The following TCFL5 variants were observed in gnomAD, a reference collection of about 807,000 sequenced individuals.
TCFL5 encodes the protein transcription factor like 5.
TCFL5 carries 9 observed loss-of-function variants against 44.3 expected under a neutral mutation model. That is an observed-to-expected ratio of 0.20 (90% CI 0.12 to 0.35). The LOEUF is 0.35. TCFL5 is among the 10% of genes least tolerant of loss of function. The probability of loss-of-function intolerance (pLI) is 1.00; values close to 1 mark genes in which losing one functional copy is unlikely to be tolerated. For synonymous variants in TCFL5, 319 were observed against 271.6 expected (o/e 1.17, Z -1.72); for missense variants, 603 against 613.4 (o/e 0.98, Z 0.18).
At chr20:62,853,059 T>C (rs1488015423) in intron 5 of TCFL5, among the ~76,000 whole-genome samples, 3 of 144,270 alleles carry the variant, frequency 2.1e-5, no homozygotes, top group East Asian at 2.1e-4. Flanking sequence ...TCCACAGAAG[T>C]ACAGTCACCC....
At chr20:62,859,672 C>A in intron 2 of TCFL5, 146 bp from the exon 3 acceptor site, 1 of 753,032 alleles carries the variant, frequency 1.3e-6, no homozygotes, top group Admixed American at 3.4e-5. Context: ...TAAAAATATT[C>A]GCATACCACA....
intron 5 of TCFL5, among the ~76,000 whole-genome samples, chr20:62,848,519 T>C (rs1296473443): frequency 2.0e-5 from 3 of 152,112 alleles, no homozygotes; most frequent in Admixed American, 6.6e-5. Flanking sequence ...GGCGGGAGGA[T>C]CACCTGAGGT....
At chr20:62,852,978 G>T in intron 5 of TCFL5, 1 of 1,286,020 alleles carries the variant, frequency 7.8e-7, no homozygotes, top group Non-Finnish European at 1.0e-6. Context: ...ATGGTCACCC[G>T]GTCGGCTGAA....
At chr20:62,847,619 C>CA (rs2063760082) in intron 5 of TCFL5, among the ~76,000 whole-genome samples, 1 of 152,234 alleles carries the variant, frequency 6.6e-6, no homozygotes, top group Admixed American at 6.5e-5. Context: ...AAACAGGTCA[C>CA]AACACAGCGT....
chr20:62,842,914 C>G lies in TCFL5; in HGVS notation c.1381-817G>C, dbSNP rs1412575474. Among the ~76,000 whole-genome samples, 1 of 152,172 alleles carries G rather than the reference C, an allele frequency of 6.6e-6. No individual in the cohort carries two copies. The highest frequency in any genetic ancestry group is 1.5e-5 in the Non-Finnish European group (1 of 68,032). ...GTGCTGCTCGCTGAGATGGCTCTGTCCTTGGGGAGACCCTGCCAGCAGGGT... is the reference window on the plus strand; with the variant it reads ...GTGCTGCTCGCTGAGATGGCTCTGTGCTTGGGGAGACCCTGCCAGCAGGGT... On this transcript the variant is annotated intron_variant, in intron 5 of 5. Coordinates refer to ENST00000335351, the MANE Select transcript of TCFL5 (RefSeq NM_006602.4). This position sits in a 1 kb window ranked among gnomAD's most constrained non-coding sequence, Gnocchi z 4.3.
chr20:62,861,661 G>A lies in TCFL5; in HGVS notation c.10C>T (p.Pro4Ser), dbSNP rs1268100186. 1.3e-6 allele frequency: 1 copy of A among 787,504 alleles called. No individual in the cohort carries two copies. The highest frequency in any genetic ancestry group is 1.5e-6 in the Non-Finnish European group (1 of 651,072). 48.8% of individuals were successfully genotyped at this position (787,504 alleles called of 1,614,324 possible). Residue 4 changes from proline (P) to serine (S), a missense_variant, in exon 1 of 6, where the codon CCC becomes TCC. This residue lies in a region of TCFL5 where 540 missense variants were observed against 478.7 expected (regional missense o/e 1.13). Coordinates refer to ENST00000335351, the MANE Select transcript of TCFL5 (RefSeq NM_006602.4). This position sits in a 1 kb window ranked among gnomAD's most constrained non-coding sequence, Gnocchi z 4.0. The stretch of plus-strand genomic sequence containing the variant: ...TCCGGCGGCGGCTCCCGCGGTCCGG[G>A]GCCCGACATGGCGGCGCGGCGCGGC... Reference protein sequence around the residue: MSGPGPREPPPEAG... With the variant: MSGSGPREPPPEAG...
At position 62,852,833 on chromosome 20, in the gene TCFL5, G is replaced by A. The variant is rs752934056; in HGVS notation, c.1380+1183C>T. On this transcript the variant is annotated intron_variant, in intron 5 of 5. Coordinates refer to ENST00000335351, the MANE Select transcript of TCFL5 (RefSeq NM_006602.4). ...TATTCACCGAGTCCACAAAGGTATA[G>A]TCAACCAGTCCACAAAAGTATGTTC... 5.7e-5 allele frequency: 74 copies of A among 1,289,252 alleles called. 2 individuals carry two copies. In the South Asian group the frequency reaches 9.1e-4, roughly 16 times the overall value. 79.9% of individuals were successfully genotyped at this position (1,289,252 alleles called of 1,614,324 possible).
Position 62,857,375 on chromosome 20 carries a change from C to T in TCFL5, c.1238+20G>A, listed in dbSNP as rs765552053. 1.9e-6 allele frequency: 3 copies of T among 1,612,246 alleles called. No individual in the cohort carries two copies. Among genetic ancestry groups the T allele is most frequent in the South Asian group, 1.1e-5 (1 of 90,876 alleles). ...GGTAATCATATATGAGTCAGCCTGA[C>T]AAGCAGTCACACGTATTACCTTCTA... On this transcript the variant is annotated intron_variant, in intron 4 of 5. Coordinates refer to ENST00000335351, the MANE Select transcript of TCFL5 (RefSeq NM_006602.4).
chr20:62,859,452 G>C lies in TCFL5; in HGVS notation c.906C>G (p.Phe302Leu), dbSNP rs758792594. 4.3e-6 allele frequency: 7 copies of C among 1,613,930 alleles called. No homozygotes were observed. Among genetic ancestry groups the C allele is most frequent in the Admixed American group, 3.3e-5 (2 of 59,982 alleles). The change falls in exon 3 of 6, where the codon TTC (phenylalanine) becomes TTG (leucine). Residue 302 changes from phenylalanine to leucine, a missense_variant. Around this residue, in one of 4 missense-constraint regions of TCFL5, gnomAD observed 540 missense variants for 478.7 expected, o/e 1.13. Coordinates refer to ENST00000335351, the MANE Select transcript of TCFL5 (RefSeq NM_006602.4). ...QDIGLPRAFS[F>L]CYQQEIESTK... ...TGGATTCAATTTCTTGCTGATAACA[G>C]AAAGAAAATGCTCTAGGCAATCCAA...
At position 62,842,105 on chromosome 20, in the gene TCFL5, G is replaced by A. The variant is rs2063685794; in HGVS notation, c.1381-8C>T. 6.2e-7 allele frequency: 1 copy of A among 1,613,940 alleles called. No homozygotes were observed. On this transcript the variant is annotated splice_polypyrimidine_tract_variant and splice_region_variant and intron_variant, in intron 5 of 5. Coordinates refer to ENST00000335351, the MANE Select transcript of TCFL5 (RefSeq NM_006602.4). The surrounding 1 kb of genome is among the most constrained non-coding windows in gnomAD (Gnocchi z 4.3). ...AAATACGCTCTCAAATTCCTGCAGT[G>A]AAGAAGTGACGGTTAACATACTGAA...
Position 62,841,826 on chromosome 20 carries a change from T to G in TCFL5, c.*149A>C. 1.1e-6 allele frequency: 1 copy of G among 941,254 alleles called. No homozygotes were observed. Among genetic ancestry groups the G allele is most frequent in the Non-Finnish European group, 1.5e-6 (1 of 667,182 alleles). The allele number at this position is 941,254 out of a possible 1,614,324, so 58.3% of individuals were successfully genotyped here. ...TCTAGATAAATATTTTTACAAAATG[T>G]GCTCTCAAAGTCCCTACTGGAGTCC... On this transcript the variant is annotated 3_prime_UTR_variant, in exon 6 of 6. Coordinates refer to ENST00000335351, the MANE Select transcript of TCFL5 (RefSeq NM_006602.4).
Position 62,861,497 on chromosome 20 carries a change from C to G in TCFL5, c.174G>C (p.Gln58His), listed in dbSNP as rs372381928. Reference protein sequence around the residue: ...EMTEVEYTQLQHILCSHMEAA... With the variant: ...EMTEVEYTQLHHILCSHMEAA... ...CCTCCATGTGCGAGCAGAGGATGTG[C>G]TGCAGCTGCGTGTACTCCACCTCCG... Residue 58 changes from glutamine (Q) to histidine (H), a missense_variant, in exon 1 of 6, where the codon CAG (glutamine) becomes CAC (histidine). Gln to His is a conservative substitution (Grantham distance 24). Transcript: ENST00000335351. The surrounding 1 kb of genome is among the most constrained non-coding windows in gnomAD (Gnocchi z 4.0). 6.1e-5 allele frequency: 73 copies of G among 1,199,928 alleles called. No homozygotes were observed. Among genetic ancestry groups the G allele is most frequent in the Admixed American group, 5.0e-4 (15 of 29,772 alleles). 74.3% of individuals were successfully genotyped at this position (1,199,928 alleles called of 1,614,324 possible).
chr20:62,859,339 C>G lies in TCFL5; in HGVS notation c.994+25G>C, dbSNP rs200494313. On this transcript the variant is annotated intron_variant, in intron 3 of 5. Transcript: ENST00000335351. The stretch of plus-strand genomic sequence containing the variant: ...CAGGGCTCAGTCAGAAGAAAGCTCC[C>G]ACTACCTGCTGCTTCATCGCTTACC... 4.0e-4 allele frequency: 646 copies of G among 1,596,362 alleles called. 6 individuals are homozygous for G. In the African/African-American group the frequency reaches 7.9e-3, roughly 20 times the overall value.
intron 4 of TCFL5, among the ~76,000 whole-genome samples, chr20:62,856,707 A>C (rs1600853694): frequency 1.2e-5 from 1 of 81,444 alleles, no homozygotes; most frequent in East Asian, 3.2e-4. Flanking sequence ...CTCCGTCTCA[A>C]AAAAAAAAAA....
chr20:62,845,412 G>A (rs1178803856), intron 5 of TCFL5: 16 of 1,223,962 alleles, frequency 1.3e-5, no homozygotes, highest in African/African-American at 1.2e-4. Flanking sequence ...CGTGAGCTAC[G>A]ACGCCCAGCT....
At chr20:62,844,602 G>A (rs1289252144) in intron 5 of TCFL5, among the ~76,000 whole-genome samples, 14 of 137,444 alleles carry the variant, frequency 1.0e-4, no homozygotes, top group African/African-American at 1.8e-4. Context: ...TTTTGAGACC[G>A]AGTCTCACTC....
chr20:62,859,304 C>A (rs2063947691), intron 3 of TCFL5, 60 bp downstream of exon 3: 2 of 1,553,036 alleles, frequency 1.3e-6, no homozygotes, highest in Admixed American at 2.0e-5. Flanking sequence ...GGCCAAAATG[C>A]CATCAGCCAC....
intron 5 of TCFL5, chr20:62,846,059 G>T: frequency 3.0e-6 from 4 of 1,336,232 alleles, no homozygotes; most frequent in Non-Finnish European, 4.0e-6. Context: ...ATCAACTGCT[G>T]ATTTCATCTT....
chr20:62,841,847 A>C lies in TCFL5; in HGVS notation c.*128T>G. The C allele has an allele frequency of 7.9e-7, 1 of 1,265,938 alleles. No individual in the cohort carries two copies. The highest frequency in any genetic ancestry group is 2.5e-5 in the East Asian group (1 of 40,188). The allele number at this position is 1,265,938 out of a possible 1,614,324, so 78.4% of individuals were successfully genotyped here. ...AATGTGCTCTCAAAGTCCCTACTGGAGTCCCGTCAGCTTGAGTCACGCCCT... is the reference window on the plus strand; with the variant it reads ...AATGTGCTCTCAAAGTCCCTACTGGCGTCCCGTCAGCTTGAGTCACGCCCT... On this transcript the variant is annotated 3_prime_UTR_variant, in exon 6 of 6. Transcript: ENST00000335351.
Sources: gnomAD v4.1 joint callset for allele counts (sites outside exome capture counted in the v4.1 genomes callset) on GRCh38, gnomAD v4.1.1 for gene constraint, gnomAD v4.1.1 regional missense constraint, Gnocchi (gnomAD v3.1) non-coding constraint, MANE v1.5 for transcripts, NCBI Gene and HGNC (gene_info 2026-07-23, HGNC 2026-07-21) for gene names.